Variants in NEK11 observed in about 807,000 individuals in gnomAD.
NEK11 encodes serine/threonine-protein kinase Nek11.
NEK11 carries 72 observed loss-of-function variants against 80.7 expected under a neutral mutation model. That is an observed-to-expected ratio of 0.89 (90% CI 0.74 to 1.08). The LOEUF is 1.08. Among genes scored for constraint, NEK11 ranks in the 50% least tolerant of loss-of-function variants. The pLI is 0.00. For synonymous variants in NEK11, 251 were observed against 260.7 expected, an observed-to-expected ratio of 0.96 and a Z score of 0.36; for missense variants, 764 against 763.6, an observed-to-expected ratio of 1.00 and a Z score of -0.01.
intron 17 of NEK11, among the ~76,000 whole-genome samples, chr3:131,278,036 C>A (rs1172991228): frequency 6.6e-6 from 1 of 152,170 alleles, no homozygotes; most frequent in Non-Finnish European, 1.5e-5. Flanking sequence ...ATGTTTTATA[C>A]CTGAGGGCAT....
At chr3:131,165,965 C>G (rs901995803) in intron 12 of NEK11, among the ~76,000 whole-genome samples, 4 of 152,054 alleles carry the variant, frequency 2.6e-5, no homozygotes, top group African/African-American at 9.7e-5. Flanking sequence ...TAATTTCATT[C>G]AAATTTTAAC....
chr3:131,228,765 CTT>C, intron 15 of NEK11, 77 bp downstream of exon 15: 1 of 1,428,614 alleles, frequency 7.0e-7, no homozygotes. Context: ...GAAAGGAAGT[CTT>C]ATAAGGTGAA....
In NEK11 at chr3:131,170,776, T is replaced by A; in HGVS notation, c.1288T>A (p.Ser430Thr). Residue 430 changes from serine (S) to threonine (T), a missense_variant, in exon 14 of 18, where the codon TCT becomes ACT. By Grantham distance (58) the Ser-to-Thr change is moderately conservative (BLOSUM62 1). Transcript: ENST00000383366. ...EERWQGREEE[S>T]DEPTLENLPE... ...ATTGTTAATTACCTTCCACAAGGAA[T>A]CTGATGAACCAACTTTAGAGAACCT... 1 of 1,603,998 alleles carries A rather than the reference T, an allele frequency of 6.2e-7. No homozygotes were observed. Among genetic ancestry groups the A allele is most frequent in the East Asian group, 2.2e-5 (1 of 44,834 alleles).
intron 5 of NEK11, among the ~76,000 whole-genome samples, chr3:131,130,531 C>T (rs1306302960): frequency 2.0e-5 from 3 of 152,026 alleles, no homozygotes; most frequent in Non-Finnish European, 2.9e-5. Flanking sequence ...AGCAGAAAAA[C>T]GTCAGGGTTC....
chr3:131,047,112 A>G (rs2067518710), intron 3 of NEK11, among the ~76,000 whole-genome samples: 1 of 152,130 alleles, frequency 6.6e-6, no homozygotes, highest in African/African-American at 2.4e-5. Flanking sequence ...GCATTTCTCT[A>G]AGTGTGTCCA....
intron 16 of NEK11, among the ~76,000 whole-genome samples, chr3:131,268,174 CT>C (rs752608480): frequency 1.1e-3 from 171 of 152,228 alleles, no homozygotes; most frequent in Admixed American, 2.2e-3. Context: ...TTCGTCTAAC[CT>C]TTTATCAACA....
At chr3:131,327,005 C>A (rs1180847841) in intron 17 of NEK11, among the ~76,000 whole-genome samples, 1 of 152,280 alleles carries the variant, frequency 6.6e-6, no homozygotes, top group South Asian at 2.1e-4. Context: ...CAAAAAAGTG[C>A]CATCTTGGAA....
At position 131,080,607 on chromosome 3, in the gene NEK11, C is replaced by T. The variant is rs2075109980; in HGVS notation, c.336+19C>T. ...CTGTGAGGTGAGACTCTCCTTTTCT[C>T]TTGGAAGTCTTTATAAAAACTTGCT... is the stretch of plus-strand genomic sequence containing the variant. On this transcript the variant is annotated intron_variant, in intron 4 of 17. Coordinates refer to ENST00000383366, the MANE Select transcript of NEK11 (RefSeq NM_024800.5). 1.3e-6 allele frequency: 2 copies of T among 1,583,474 alleles called. No individual in the cohort carries two copies.
chr3:131,223,951 T>C (rs1272418225), intron 14 of NEK11, among the ~76,000 whole-genome samples: 1 of 152,194 alleles, frequency 6.6e-6, no homozygotes, highest in Non-Finnish European at 1.5e-5. Context: ...CTTGAGTATA[T>C]ATTTGCAATT....
chr3:131,152,393 T>C lies in NEK11; in HGVS notation c.653T>C (p.Leu218Pro). The change falls in exon 8 of 18, where the codon CTG (leucine) becomes CCG (proline). Residue 218 changes from leucine (L) to proline (P), a missense_variant. Coordinates refer to ENST00000383366, the MANE Select transcript of NEK11 (RefSeq NM_024800.5). ...GYDTKSDIWS[L>P]ACILYEMCCM... is the part of the protein sequence containing the mutation. Reference sequence around the variant, plus strand: ...TTCTTTGACTTTGTCTTCAGGTCACTGGCATGCATTTTGTATGAGATGTGC... The same window carrying C: ...TTCTTTGACTTTGTCTTCAGGTCACCGGCATGCATTTTGTATGAGATGTGC... The C allele has an allele frequency of 1.3e-6, 2 of 1,595,500 alleles. No homozygotes were observed. Among genetic ancestry groups the C allele is most frequent in the East Asian group, 2.2e-5 (1 of 44,698 alleles).
At chr3:131,036,865 T>C (rs534622678) in intron 3 of NEK11, among the ~76,000 whole-genome samples, 1 of 152,336 alleles carries the variant, frequency 6.6e-6, no homozygotes, top group East Asian at 1.9e-4. Flanking sequence ...GGAGAAGAGT[T>C]GCATTCAGTG....
At chr3:131,333,385 A>T (rs1259536252) in intron 17 of NEK11, among the ~76,000 whole-genome samples, 1 of 152,208 alleles carries the variant, frequency 6.6e-6, no homozygotes, top group Non-Finnish European at 1.5e-5. Context: ...TAAGTGGAGG[A>T]GAAATAAAAT....
At chr3:131,297,490 C>A (rs542654850) in intron 17 of NEK11, among the ~76,000 whole-genome samples, 6 of 152,080 alleles carry the variant, frequency 3.9e-5, no homozygotes, top group Non-Finnish European at 8.8e-5. Context: ...ATGTCCTTCA[C>A]CCACTTTTTG....
At chr3:131,125,602 T>C (rs78116613) in intron 5 of NEK11, among the ~76,000 whole-genome samples, 437 of 152,300 alleles carry the variant, frequency 2.9e-3, no homozygotes, top group Non-Finnish European at 5.0e-3. Context: ...AAAAACTCTC[T>C]AACCTGAGTG....
rs1459954832 is a variant in NEK11 at position 131,109,853 on chromosome 3, C to A, written c.387C>A (p.Ile129=). ...AGGAATATAAACAAGCTGGAAAAAT[C>A]TTTCCAGAAAATCAAATAATAGAAT... ...KIQEYKQAGK[I]FPENQIIEWF... is the part of the protein sequence containing the mutation. The change falls in exon 5 of 18, where the codon ATC becomes ATA. Residue 129 remains isoleucine, a synonymous_variant. Coordinates refer to ENST00000383366, the MANE Select transcript of NEK11 (RefSeq NM_024800.5). The A allele has an allele frequency of 1.9e-6, 3 of 1,605,868 alleles. No individual in the cohort carries two copies. The highest frequency in any genetic ancestry group is 2.3e-5 in the East Asian group (1 of 44,334).
chr3:131,224,912 G>A (rs916564562), intron 14 of NEK11, among the ~76,000 whole-genome samples: 2 of 152,182 alleles, frequency 1.3e-5, no homozygotes, highest in Non-Finnish European at 2.9e-5. Flanking sequence ...TTTAAGCTAA[G>A]TGTTATTACA....
chr3:131,123,182 C>G (rs1490942485), intron 5 of NEK11, among the ~76,000 whole-genome samples: 1 of 151,218 alleles, frequency 6.6e-6, no homozygotes, highest in African/African-American at 2.4e-5. Flanking sequence ...TTTTTTTTCT[C>G]CTGAGACGGA....
chr3:131,312,919 C>A (rs1025783037), intron 17 of NEK11, among the ~76,000 whole-genome samples: 1 of 151,994 alleles, frequency 6.6e-6, no homozygotes. Context: ...TTTCATCACC[C>A]AGGTACTAAG....
intron 16 of NEK11, among the ~76,000 whole-genome samples, chr3:131,246,182 T>C (rs180978211): frequency 1.3e-5 from 2 of 152,220 alleles, no homozygotes; most frequent in East Asian, 3.9e-4. Flanking sequence ...TGGCAATTTA[T>C]GAGATTTTGG....
Sources: allele counts gnomAD v4.1 joint callset (sites outside exome capture counted in the v4.1 genomes callset), GRCh38; gene constraint gnomAD v4.1.1; transcripts MANE v1.5; gene names NCBI Gene and HGNC (gene_info 2026-07-23, HGNC 2026-07-21).